The following ESRRG variants were observed in gnomAD, a reference collection of about 807,000 sequenced individuals.
ESRRG encodes the protein estrogen-related receptor gamma.
Under a neutral mutation model 44.0 loss-of-function variants are expected in ESRRG, and 13 were observed. That is an observed-to-expected ratio of 0.30 (90% CI 0.19 to 0.47). ESRRG has a LOEUF of 0.47. Ranked by LOEUF, ESRRG falls within the 20% of genes least tolerant of loss-of-function variation. The pLI, the probability that ESRRG is intolerant of heterozygous loss-of-function variation, is 1.00. For synonymous variants in ESRRG, 215 were observed against 214.6 expected, an observed-to-expected ratio of 1.00 and a Z score of -0.02; for missense variants, 395 against 580.6, an observed-to-expected ratio of 0.68 and a Z score of 3.29.
At chr1:216,898,323 G>A (rs1167628959) in intron 2 of ESRRG, among the ~76,000 whole-genome samples, 1 of 152,046 alleles carries the variant, frequency 6.6e-6, no homozygotes, top group East Asian at 1.9e-4. Flanking sequence ...ACTACTATAA[G>A]AAGTTGGTAC....
chr1:216,752,380 T>C (rs989038244), intron 2 of ESRRG, among the ~76,000 whole-genome samples: 13 of 152,066 alleles, frequency 8.5e-5, no homozygotes, highest in African/African-American at 3.1e-4. Flanking sequence ...ATTGAAGAGG[T>C]AGGCACTCTG....
rs143442817 is a variant in ESRRG at position 216,998,756 on chromosome 1, G to A, written c.-105-59083C>T. Among the ~76,000 whole-genome samples the A allele has an allele frequency of 1.4e-3, 212 of 152,228 alleles. 1 individual carries two copies. The highest frequency in any genetic ancestry group is 4.7e-3 in the African/African-American group (195 of 41,536). On this transcript the variant is annotated intron_variant, in intron 1 of 7. Transcript: ENST00000359162. ...AATTCTATATCTCATAAATTCCAAG[G>A]TATTGGACAAGTAAGAAGAATATAA...
chr1:216,972,963 G>A (rs190813443), intron 1 of ESRRG, among the ~76,000 whole-genome samples: 60 of 152,078 alleles, frequency 3.9e-4, no homozygotes, highest in African/African-American at 1.2e-3. Flanking sequence ...CTAAACCATC[G>A]CCAGATCCTG....
intron 1 of ESRRG, among the ~76,000 whole-genome samples, chr1:217,039,365 G>C (rs564635288): frequency 6.6e-6 from 1 of 152,128 alleles, no homozygotes; most frequent in South Asian, 2.1e-4. Flanking sequence ...ACCCGAGACT[G>C]GGCAATTTAC....
intron 1 of ESRRG, among the ~76,000 whole-genome samples, chr1:217,027,791 T>A (rs17687489): frequency 0.031 from 4,752 of 152,242 alleles, 118 homozygotes; most frequent in Non-Finnish European, 0.048. Flanking sequence ...CATAAAAATA[T>A]GACAGGATAA....
At chr1:216,932,245 T>C (rs2063461598) in intron 2 of ESRRG, among the ~76,000 whole-genome samples, 1 of 152,062 alleles carries the variant, frequency 6.6e-6, no homozygotes, top group African/African-American at 2.4e-5. Flanking sequence ...GGAATCATTT[T>C]TAGAACACAT....
chr1:216,523,780 A>C (rs2046819554), intron 5 of ESRRG, among the ~76,000 whole-genome samples: 2 of 151,946 alleles, frequency 1.3e-5, no homozygotes, highest in Admixed American at 1.3e-4. Context: ...GGCATCTGTT[A>C]ATATCAGTTA....
intron 1 of ESRRG, among the ~76,000 whole-genome samples, chr1:216,988,148 G>A (rs897977567): frequency 6.6e-6 from 1 of 152,046 alleles, no homozygotes; most frequent in African/African-American, 2.4e-5. Flanking sequence ...CCTTATTAGA[G>A]AAAACACAAT....
intron 1 of ESRRG, among the ~76,000 whole-genome samples, chr1:216,942,288 A>G (rs2065372274): frequency 2.0e-5 from 3 of 152,152 alleles, no homozygotes; most frequent in Admixed American, 1.3e-4. Flanking sequence ...TTCTATAGGT[A>G]CCACATTTCC....
At chr1:216,527,568 A>G (rs1242598254) in intron 5 of ESRRG, among the ~76,000 whole-genome samples, 2 of 152,050 alleles carry the variant, frequency 1.3e-5, no homozygotes, top group Non-Finnish European at 1.5e-5. Context: ...TGGATGTCCT[A>G]ACATGTTAAG....
At chr1:217,024,859 T>C (rs1313119801) in intron 1 of ESRRG, among the ~76,000 whole-genome samples, 4 of 152,164 alleles carry the variant, frequency 2.6e-5, no homozygotes, top group East Asian at 1.9e-4. Flanking sequence ...CAAATTGAGG[T>C]ATAGAGAGAT....
At chr1:216,802,961 C>T (rs548955770) in intron 2 of ESRRG, among the ~76,000 whole-genome samples, 30 of 152,196 alleles carry the variant, frequency 2.0e-4, no homozygotes, top group South Asian at 1.5e-3. Context: ...AGTGAGTGCT[C>T]AATCGTCTTT....
At chr1:217,058,229 C>G (rs1043220128) in intron 1 of ESRRG, among the ~76,000 whole-genome samples, 1 of 152,144 alleles carries the variant, frequency 6.6e-6, no homozygotes, top group Non-Finnish European at 1.5e-5. Flanking sequence ...ATCAGACTTT[C>G]TAACGCAAAC....
At chr1:216,795,788 A>T (rs2148187690) in intron 2 of ESRRG, among the ~76,000 whole-genome samples, 1 of 152,296 alleles carries the variant, frequency 6.6e-6, no homozygotes, top group Middle Eastern at 3.4e-3. Flanking sequence ...AAACAAGGAG[A>T]CAAAAACAGA....
At chr1:216,884,702 A>G (rs141638194) in intron 2 of ESRRG, among the ~76,000 whole-genome samples, 1 of 152,296 alleles carries the variant, frequency 6.6e-6, no homozygotes, top group Non-Finnish European at 1.5e-5. Flanking sequence ...AATGGACATT[A>G]CGTCTCCTTT....
At chr1:216,668,654 ACT>A (rs2074494755) in intron 2 of ESRRG, among the ~76,000 whole-genome samples, 1 of 151,930 alleles carries the variant, frequency 6.6e-6, no homozygotes, top group Non-Finnish European at 1.5e-5. Context: ...TTCATCAGCC[ACT>A]CTGTTACTTT....
At chr1:216,555,379 A>C (rs1648775393) in intron 5 of ESRRG, among the ~76,000 whole-genome samples, 1 of 152,164 alleles carries the variant, frequency 6.6e-6, no homozygotes, top group Admixed American at 6.5e-5. Flanking sequence ...TGACTTGAAT[A>C]TTTCTTTTCC....
At chr1:216,974,391 G>A (rs1387622092) in intron 1 of ESRRG, among the ~76,000 whole-genome samples, 1 of 151,956 alleles carries the variant, frequency 6.6e-6, no homozygotes, top group East Asian at 1.9e-4. Context: ...GTTGACTTAT[G>A]TCTCTGAAAC....
chr1:216,522,971 G>A (rs776579005), intron 5 of ESRRG, among the ~76,000 whole-genome samples: 1 of 152,124 alleles, frequency 6.6e-6, no homozygotes, highest in Non-Finnish European at 1.5e-5. Flanking sequence ...TATCTTTGGA[G>A]AGAAACCTCT....
Sources: gnomAD v4.1 joint callset for allele counts (sites outside exome capture counted in the v4.1 genomes callset) on GRCh38, gnomAD v4.1.1 for gene constraint, MANE v1.5 for transcripts, NCBI Gene and HGNC (gene_info 2026-07-23, HGNC 2026-07-21) for gene names.